LPA: variants seen among roughly 807,000 people sequenced by gnomAD.
LPA encodes the protein apolipoprotein(a).
A neutral mutation model predicts 197.9 loss-of-function variants in LPA; 199 were observed. The ratio of observed to expected loss-of-function variants is 1.01; its 90% CI spans 0.90 to 1.13. The LOEUF (loss-of-function observed/expected upper bound fraction) is 1.13, where lower values mean the gene tolerates loss of function less well. Among genes scored for constraint, LPA ranks in the 50% most tolerant of loss-of-function variants. LPA has a pLI of 0.00. For synonymous variants in LPA, 715 were observed against 639.5 expected, an observed-to-expected ratio of 1.12 and a Z score of -1.78; for missense variants, 1,853 against 1,785.8, an observed-to-expected ratio of 1.04 and a Z score of -0.68.
At chr6:160,571,251 G>C (rs1345116489) in intron 28 of LPA, among the ~76,000 whole-genome samples, 1 of 152,142 alleles carries the variant, frequency 6.6e-6, no homozygotes, top group Non-Finnish European at 1.5e-5. Flanking sequence ...ACTGCTTACT[G>C]TAGTTAGCAA....
intron 28 of LPA, among the ~76,000 whole-genome samples, chr6:160,565,507 C>G (rs1010645047): frequency 1.3e-5 from 2 of 152,166 alleles, no homozygotes; most frequent in Non-Finnish European, 1.5e-5. Context: ...ACATCCACAC[C>G]AAAACCCCAT....
At chr6:160,591,234 A>G in intron 22 of LPA, 133 bp from the exon 23 acceptor site, 2 of 1,139,780 alleles carry the variant, frequency 1.8e-6, no homozygotes, top group Non-Finnish European at 1.3e-6. Context: ...TCCTGTAACA[A>G]TCACAAATCG....
intron 28 of LPA, among the ~76,000 whole-genome samples, chr6:160,576,380 A>ATGTG (rs1450115783): frequency 0.022 from 1,310 of 59,772 alleles, 73 homozygotes; most frequent in East Asian, 0.13. Context: ...ATATATATAT[A>ATGTG]TATATATATG....
intron 37 of LPA, among the ~76,000 whole-genome samples, chr6:160,535,271 T>C (rs111210748): frequency 2.8e-4 from 3 of 10,686 alleles, no homozygotes; most frequent in African/African-American, 1.1e-3. Flanking sequence ...GTGGTGATGA[T>C]GGTGGTGATG....
At chr6:160,585,695 AC>A in intron 25 of LPA, among the ~76,000 whole-genome samples, 1 of 152,222 alleles carries the variant, frequency 6.6e-6, no homozygotes, top group Admixed American at 6.5e-5. Flanking sequence ...TGCATCTAGG[AC>A]TTGTAGGTAA....
At chr6:160,568,053 C>T (rs933027557) in intron 28 of LPA, among the ~76,000 whole-genome samples, 1 of 152,014 alleles carries the variant, frequency 6.6e-6, no homozygotes, top group Non-Finnish European at 1.5e-5. Context: ...CCGAATTCTA[C>T]CACAGATACA....
intron 18 of LPA, among the ~76,000 whole-genome samples, chr6:160,604,274 G>C (rs1422454936): frequency 6.6e-6 from 1 of 152,104 alleles, no homozygotes; most frequent in African/African-American, 2.4e-5. Context: ...GTGCAAGAAG[G>C]GCCTCCAGGA....
intron 28 of LPA, among the ~76,000 whole-genome samples, chr6:160,564,429 A>G (rs1052235215): frequency 4.6e-5 from 7 of 151,472 alleles, no homozygotes; most frequent in Non-Finnish European, 7.4e-5. Flanking sequence ...GCCCTTGAAC[A>G]TCAGACTCCA....
chr6:160,553,954 T>TGTGTGTGTGTGTGTGTGC (rs771903485), intron 30 of LPA, among the ~76,000 whole-genome samples: 5,044 of 130,578 alleles, frequency 0.039, 127 homozygotes, highest in Non-Finnish European at 0.049. Context: ...TGTGTGTGTG[T>TGTGTGTGTGTGTGTGTGC]GCGCGCGCGC....
In LPA at chr6:160,537,871, G is replaced by T. The variant is rs769627355; in HGVS notation, c.5826C>A (p.Gly1942=). 1 of 1,614,148 alleles carries T rather than the reference G, an allele frequency of 6.2e-7. No individual in the cohort carries two copies. Residue 1942 remains glycine, a synonymous_variant, in exon 37 of 39, where the codon GGC becomes GGA. Transcript: ENST00000316300. The stretch of plus-strand genomic sequence containing the variant: ...TGATCTCACCTTGGGTTTCTCCCCA[G>T]CCAGTGATGTAACATTCAGTCCTGG... ...VTARTECYIT[G]WGETQGTFGT... is the part of the protein sequence containing the mutation.
At chr6:160,649,134 C>T (rs146552229) in intron 2 of LPA, among the ~76,000 whole-genome samples, 1,601 of 152,176 alleles carry the variant, frequency 0.011, 22 homozygotes, top group African/African-American at 0.036. Flanking sequence ...TGTGGAGCTG[C>T]CTTTATTCTA....
intron 18 of LPA, among the ~76,000 whole-genome samples, chr6:160,603,486 C>T (rs898279629): frequency 1.3e-5 from 2 of 152,114 alleles, no homozygotes. Flanking sequence ...CTGTTACTGT[C>T]TCTTGATATG....
chr6:160,571,891 T>A (rs572358017), intron 28 of LPA, among the ~76,000 whole-genome samples: 1 of 152,068 alleles, frequency 6.6e-6, no homozygotes, highest in African/African-American at 2.4e-5. Flanking sequence ...AATGGTTCTG[T>A]CTTGCTGGCA....
At chr6:160,646,678 C>T (rs1164061387) in intron 2 of LPA, among the ~76,000 whole-genome samples, 10 of 132,552 alleles carry the variant, frequency 7.5e-5, no homozygotes, top group African/African-American at 1.2e-4. Flanking sequence ...GGCCGAAAAA[C>T]GATCAGAGTA....
At position 160,650,324 on chromosome 6, in the gene LPA, G is replaced by A. The variant is rs41269874; in HGVS notation, c.209+14C>T. Reference sequence around the variant, plus strand: ...TTGGACCTTGTTTTGCTTACTGTAAGATTAATGACATACGCATTTGGGTAG... The same window carrying A: ...TTGGACCTTGTTTTGCTTACTGTAAAATTAATGACATACGCATTTGGGTAG... On this transcript the variant is annotated intron_variant, in intron 2 of 38. Coordinates refer to ENST00000316300, the MANE Select transcript of LPA (RefSeq NM_005577.4). The A allele has an allele frequency of 3.3e-3, 5,289 of 1,612,436 alleles. 110 individuals are homozygous for A. In the Middle Eastern group the frequency reaches 0.069, roughly 21 times the overall value.
chr6:160,558,110 A>G (rs756753438), intron 28 of LPA, among the ~76,000 whole-genome samples: 31 of 151,940 alleles, frequency 2.0e-4, no homozygotes, highest in Admixed American at 1.1e-3. Flanking sequence ...TAGTAGAGAC[A>G]GGGTTTCACC....
intron 33 of LPA, 39 bp from the exon 34 acceptor site, chr6:160,542,847 C>T: frequency 6.2e-7 from 1 of 1,613,022 alleles, no homozygotes; most frequent in East Asian, 2.2e-5. Context: ...CATTTGAGTC[C>T]AAGTTAGCAA....
intron 20 of LPA, 106 bp from the exon 21 acceptor site, chr6:160,595,641 A>G (rs981461729): frequency 1.3e-6 from 2 of 1,525,838 alleles, no homozygotes; most frequent in East Asian, 2.3e-5. Context: ...AGACTTTGAA[A>G]TATTTTCACT....
intron 30 of LPA, among the ~76,000 whole-genome samples, chr6:160,552,072 C>T (rs1447768780): frequency 2.0e-5 from 3 of 152,040 alleles, no homozygotes; most frequent in Non-Finnish European, 4.4e-5. Flanking sequence ...GTCATCACAT[C>T]GATCTAATTG....
Sources: allele counts gnomAD v4.1 joint callset (sites outside exome capture counted in the v4.1 genomes callset), GRCh38; gene constraint gnomAD v4.1.1; transcripts MANE v1.5; gene names NCBI Gene and HGNC (gene_info 2026-07-23, HGNC 2026-07-21).